Variants in FIRRM observed in about 807,000 individuals in gnomAD.
FIRRM encodes FIGNL1 interacting regulator of recombination and mitosis, also known as FIGNL1-interacting regulator of recombination and mitosis.
chr1:169,824,966 T>C, the FIRRM span, among the ~76,000 whole-genome samples: 14 of 152,188 alleles, frequency 9.2e-5, no homozygotes, highest in African/African-American at 3.4e-4. Context: ...ATCATCCTCA[T>C]ACCCAACAAA....
the FIRRM span, chr1:169,832,630 T>C: frequency 1.5e-6 from 1 of 666,916 alleles, no homozygotes. Flanking sequence ...TGAGACAGAG[T>C]CTCGCTCTGT....
chr1:169,798,692 G>T, the FIRRM span, among the ~76,000 whole-genome samples: 2 of 152,166 alleles, frequency 1.3e-5, no homozygotes, highest in African/African-American at 4.8e-5. Context: ...AGGCAAGTTT[G>T]TCCCTGGGCA....
At chr1:169,850,151 T>G in the FIRRM span, 1 of 652,330 alleles carries the variant, frequency 1.5e-6, no homozygotes. Flanking sequence ...GAGGATCCTC[T>G]GGGACTCTTA....
the FIRRM span, among the ~76,000 whole-genome samples, chr1:169,797,821 C>T: frequency 6.6e-6 from 1 of 152,114 alleles, no homozygotes; most frequent in Non-Finnish European, 1.5e-5. Flanking sequence ...GGACTACAGG[C>T]GTGAGCCACC....
At chr1:169,806,860 G>A in the FIRRM span, among the ~76,000 whole-genome samples, 9 of 152,130 alleles carry the variant, frequency 5.9e-5, no homozygotes, top group African/African-American at 2.2e-4. Flanking sequence ...AATAATAATA[G>A]CAACTTCTTG....
the FIRRM span, among the ~76,000 whole-genome samples, chr1:169,847,057 A>G: frequency 6.6e-6 from 1 of 152,138 alleles, no homozygotes; most frequent in African/African-American, 2.4e-5. Context: ...GAGACTGGTG[A>G]CCTACCTGTT....
chr1:169,831,704 C>CTATA, the FIRRM span, among the ~76,000 whole-genome samples: 1 of 152,112 alleles, frequency 6.6e-6, no homozygotes, highest in Non-Finnish European at 1.5e-5. Flanking sequence ...TGGAATGATA[C>CTATA]TATATTATGA....
the FIRRM span, chr1:169,829,552 A>C: frequency 9.2e-7 from 1 of 1,091,004 alleles, no homozygotes; most frequent in Non-Finnish European, 1.3e-6. Context: ...TACTTAGTAT[A>C]TTCCTTTTGA....
chr1:169,843,724 G>T, the FIRRM span: 5 of 1,612,906 alleles, frequency 3.1e-6, no homozygotes, highest in African/African-American at 5.3e-5. Flanking sequence ...TACTTCCACT[G>T]TTGGGATTTT....
chr1:169,789,780 T>C, the FIRRM span, among the ~76,000 whole-genome samples: 54 of 152,336 alleles, frequency 3.5e-4, no homozygotes, highest in African/African-American at 1.3e-3. Context: ...GAAATTTGTA[T>C]ACTGTAAAGG....
the FIRRM span, chr1:169,793,828 A>C: frequency 1.5e-6 from 1 of 688,798 alleles, no homozygotes; most frequent in Non-Finnish European, 2.3e-6. Context: ...CAGCTTATAC[A>C]TGGTAACAAA....
At chr1:169,790,648 G>A in the FIRRM span, among the ~76,000 whole-genome samples, 3 of 152,166 alleles carry the variant, frequency 2.0e-5, no homozygotes, top group African/African-American at 7.2e-5. Flanking sequence ...CCTCCTGGAT[G>A]AGACCTCATT....
At chr1:169,792,896 G>C in the FIRRM span, 25 of 1,613,920 alleles carry the variant, frequency 1.5e-5, no homozygotes, top group Non-Finnish European at 2.0e-5. Context: ...CCACTCACCA[G>C]AAAAAAATCG....
the FIRRM span, chr1:169,783,977 G>A: frequency 6.6e-6 from 1 of 152,238 alleles, no homozygotes; most frequent in East Asian, 1.9e-4. Flanking sequence ...GTAGAGACAG[G>A]GTCACCCTAT....
At chr1:169,828,633 C>G in the FIRRM span, among the ~76,000 whole-genome samples, 2 of 152,080 alleles carry the variant, frequency 1.3e-5, no homozygotes, top group Non-Finnish European at 2.9e-5. Flanking sequence ...ACTGCAGCCT[C>G]AACTTCCTGG....
chr1:169,841,070 G>A, the FIRRM span, among the ~76,000 whole-genome samples: 9 of 152,118 alleles, frequency 5.9e-5, no homozygotes, highest in South Asian at 2.1e-4. Flanking sequence ...TGTTCAGTAC[G>A]ACGTTGGCTG....
chr1:169,807,153 C>T, the FIRRM span, among the ~76,000 whole-genome samples: 1 of 152,146 alleles, frequency 6.6e-6, no homozygotes. Context: ...TGCTGCTCTC[C>T]CTACTCTTAG....
chr1:169,818,298 G>A, the FIRRM span, among the ~76,000 whole-genome samples: 1 of 152,170 alleles, frequency 6.6e-6, no homozygotes, highest in African/African-American at 2.4e-5. Flanking sequence ...ACTCTTTCTA[G>A]CATAGCTAGG....
At chr1:169,810,946 G>A in the FIRRM span, among the ~76,000 whole-genome samples, 20 of 134,608 alleles carry the variant, frequency 1.5e-4, no homozygotes, top group South Asian at 2.5e-4. Flanking sequence ...TGCAAGCTCC[G>A]CTTCCCGGGT....
Sources: allele counts gnomAD v4.1 joint callset (sites outside exome capture counted in the v4.1 genomes callset), GRCh38; gene constraint gnomAD v4.1.1; transcripts MANE v1.5; gene names NCBI Gene and HGNC (gene_info 2026-07-23, HGNC 2026-07-21).